GALNT10: variants seen among roughly 807,000 people sequenced by gnomAD.
The protein encoded by GALNT10 is GalNAc transferase 10.
A neutral mutation model predicts 75.0 loss-of-function variants in GALNT10; 41 were observed. The ratio of observed to expected loss-of-function variants is 0.55; its 90% CI spans 0.43 to 0.71. The LOEUF (loss-of-function observed/expected upper bound fraction) is 0.71, where lower values mean the gene tolerates loss of function less well. Ranked by LOEUF, GALNT10 falls within the 30% of genes least tolerant of loss-of-function variation. The pLI, the probability that GALNT10 is intolerant of heterozygous loss-of-function variation, is 0.00. For synonymous variants in GALNT10, 302 were observed against 313.0 expected, an observed-to-expected ratio of 0.96 and a Z score of 0.37; for missense variants, 727 against 818.5, an observed-to-expected ratio of 0.89 and a Z score of 1.36.
At chr5:154,361,470 T>C (rs1389068385) in intron 4 of GALNT10, among the ~76,000 whole-genome samples, 1 of 152,248 alleles carries the variant, frequency 6.6e-6, no homozygotes, top group African/African-American at 2.4e-5. Context: ...GAGTACACTC[T>C]TACTATGTGT....
At chr5:154,194,448 C>T (rs1774904819) in intron 1 of GALNT10, among the ~76,000 whole-genome samples, 1 of 152,170 alleles carries the variant, frequency 6.6e-6, no homozygotes, top group Non-Finnish European at 1.5e-5. Flanking sequence ...TCTGCATGCC[C>T]AGGTGAAATC....
intron 8 of GALNT10, among the ~76,000 whole-genome samples, chr5:154,404,416 T>G (rs1460440074): frequency 6.6e-6 from 1 of 152,232 alleles, no homozygotes; most frequent in African/African-American, 2.4e-5. Context: ...GGAGGGTTGC[T>G]TAAGTCCTCT....
chr5:154,386,315 C>A lies in GALNT10; in HGVS notation c.941C>A (p.Ser314Tyr). ...QKADPSDPFE[S>Y]PVMAGGLFAV... Reference sequence around the variant, plus strand: ...ACCATGTTCTTCTTCTCTGACAGGTCTCCCGTGATGGCCGGTGGACTGTTC... The same window carrying A: ...ACCATGTTCTTCTTCTCTGACAGGTATCCCGTGATGGCCGGTGGACTGTTC... The change falls in exon 7 of 12, where the codon TCT becomes TAT. Residue 314 changes from serine to tyrosine, a missense_variant and splice_region_variant. Transcript: ENST00000297107. 6.2e-7 allele frequency: 1 copy of A among 1,611,768 alleles called. No individual in the cohort carries two copies. Among genetic ancestry groups the A allele is most frequent in the Non-Finnish European group, 8.5e-7 (1 of 1,178,018 alleles).
chr5:154,417,013 T>C lies in GALNT10; in HGVS notation c.*41T>C. On this transcript the variant is annotated 3_prime_UTR_variant, in exon 12 of 12. Coordinates refer to ENST00000297107, the MANE Select transcript of GALNT10 (RefSeq NM_198321.4). The stretch of plus-strand genomic sequence containing the variant: ...TGGCAGGCCCCCCAGGGTCTGGCAC[T>C]CACTGCAGACTTCCTCTTTCAAGGG... 6.3e-7 allele frequency: 1 copy of C among 1,584,186 alleles called. No individual in the cohort carries two copies. The highest frequency in any genetic ancestry group is 8.7e-7 in the Non-Finnish European group (1 of 1,154,086).
At position 154,245,324 on chromosome 5, in the gene GALNT10, C is replaced by G. The variant is rs188582326; in HGVS notation, c.160-49492C>G. ...GAGGGACAGGTGATGTTGAGGCTAG[C>G]AATGACAGCTGTTGTGCATTGAGCA... On this transcript the variant is annotated intron_variant, in intron 1 of 11. Transcript: ENST00000297107. Among the ~76,000 whole-genome samples, 401 of 152,294 alleles carry G rather than the reference C, an allele frequency of 2.6e-3. 3 individuals are homozygous for G. The highest frequency in any genetic ancestry group is 4.0e-3 in the Non-Finnish European group (274 of 68,020).
At chr5:154,214,829 A>G (rs940993407) in intron 1 of GALNT10, among the ~76,000 whole-genome samples, 1 of 152,158 alleles carries the variant, frequency 6.6e-6, no homozygotes, top group African/African-American at 2.4e-5. Context: ...TCAGAGGGAA[A>G]CCTAGAGCTG....
chr5:154,280,495 C>T (rs1473378611), intron 1 of GALNT10, among the ~76,000 whole-genome samples: 1 of 152,116 alleles, frequency 6.6e-6, no homozygotes, highest in East Asian at 1.9e-4. Flanking sequence ...ACATTATATG[C>T]AGGTATCAAA....
rs1401200796 is a variant in GALNT10, at chr5:154,190,746, G to T, written c.-121G>T. ...GGAAGTGCCGCGGAGTTGGAGCGGGGCCGGCGCCGCAGCCGCTTCTGCTGG... is the reference window on the plus strand; with the variant it reads ...GGAAGTGCCGCGGAGTTGGAGCGGGTCCGGCGCCGCAGCCGCTTCTGCTGG... On this transcript the variant is annotated 5_prime_UTR_variant, in exon 1 of 12. Coordinates refer to ENST00000297107, the MANE Select transcript of GALNT10 (RefSeq NM_198321.4). The T allele has an allele frequency of 6.8e-6, 2 of 294,774 alleles. No homozygotes were observed. The highest frequency in any genetic ancestry group is 4.6e-5 in the African/African-American group (2 of 43,926). 18.3% of individuals were successfully genotyped at this position (294,774 alleles called of 1,614,324 possible). A position where few individuals can be genotyped will look rare whatever the true frequency, so the allele number is the denominator to read the frequency against.
intron 4 of GALNT10, among the ~76,000 whole-genome samples, chr5:154,340,647 A>G (rs1374257322): frequency 2.6e-5 from 4 of 152,112 alleles, no homozygotes; most frequent in Non-Finnish European, 5.9e-5. Flanking sequence ...GCCTGACCCA[A>G]CCCACGGGCA....
intron 4 of GALNT10, among the ~76,000 whole-genome samples, chr5:154,371,537 A>AGTGTGTGTGT (rs757305979): frequency 7.1e-5 from 5 of 70,858 alleles, no homozygotes; most frequent in Non-Finnish European, 1.6e-4. Flanking sequence ...GACACACCAC[A>AGTGTGTGTGT]GTGTGTGTGT....
chr5:154,199,773 G>A (rs1414972350), intron 1 of GALNT10, among the ~76,000 whole-genome samples: 3 of 152,168 alleles, frequency 2.0e-5, no homozygotes, highest in Non-Finnish European at 4.4e-5. Context: ...AGAGAGCAGA[G>A]GAGAGAGTGT....
chr5:154,297,960 A>G lies in GALNT10; in HGVS notation c.282A>G (p.Arg94=), dbSNP rs969372324. ...AQRVGNGEQG[R]PYPMTDAERV... is the part of the protein sequence containing the mutation. ...TTCTAGGAAATGGAGAACAAGGAAG[A>G]CCTTACCCCATGACCGATGCTGAGA... Residue 94 remains arginine, a synonymous_variant, in exon 3 of 12, where the codon AGA becomes AGG. Coordinates refer to ENST00000297107, the MANE Select transcript of GALNT10 (RefSeq NM_198321.4). 1.2e-5 allele frequency: 20 copies of G among 1,613,814 alleles called. No individual in the cohort carries two copies. Among genetic ancestry groups the G allele is most frequent in the Non-Finnish European group, 1.7e-5 (20 of 1,179,814 alleles).
chr5:154,261,353 A>T (rs1283919643), intron 1 of GALNT10, among the ~76,000 whole-genome samples: 1 of 152,184 alleles, frequency 6.6e-6, no homozygotes, highest in Non-Finnish European at 1.5e-5. Flanking sequence ...GGCTGTCCAC[A>T]CTGTCCAGCA....
intron 1 of GALNT10, among the ~76,000 whole-genome samples, chr5:154,291,299 AC>A (rs1416849396): frequency 6.6e-6 from 1 of 151,860 alleles, no homozygotes; most frequent in Non-Finnish European, 1.5e-5. Flanking sequence ...GGAATCTTAG[AC>A]TCTTGAAGGG....
intron 4 of GALNT10, among the ~76,000 whole-genome samples, chr5:154,368,174 A>G (rs573096919): frequency 1.3e-5 from 2 of 152,336 alleles, no homozygotes; most frequent in East Asian, 1.9e-4. Context: ...AAATTCCCAA[A>G]TAATGCTGAT....
At chr5:154,297,880 C>T in intron 2 of GALNT10, 61 bp from the exon 3 acceptor site, 2 of 1,409,072 alleles carry the variant, frequency 1.4e-6, no homozygotes, top group African/African-American at 1.5e-5. Context: ...TCCTTTTTCC[C>T]CACTCCATAT....
intron 1 of GALNT10, among the ~76,000 whole-genome samples, chr5:154,266,579 A>G (rs1227749824): frequency 6.6e-6 from 1 of 151,386 alleles, no homozygotes; most frequent in African/African-American, 2.4e-5. Context: ...TCATTAAAAA[A>G]AAAAAAAACA....
intron 1 of GALNT10, among the ~76,000 whole-genome samples, chr5:154,237,846 G>C (rs538142774): frequency 1.6e-4 from 24 of 152,282 alleles, no homozygotes; most frequent in Admixed American, 8.5e-4. Flanking sequence ...CACTGTCGAT[G>C]TTGACCTTGA....
At chr5:154,260,205 G>C (rs111494159) in intron 1 of GALNT10, among the ~76,000 whole-genome samples, 17 of 152,160 alleles carry the variant, frequency 1.1e-4, no homozygotes, top group Non-Finnish European at 5.9e-5. Flanking sequence ...GAGAGAGACA[G>C]TTCTAACCAC....
Sources: gnomAD v4.1 joint callset for allele counts (sites outside exome capture counted in the v4.1 genomes callset) on GRCh38, gnomAD v4.1.1 for gene constraint, MANE v1.5 for transcripts, NCBI Gene and HGNC (gene_info 2026-07-23, HGNC 2026-07-21) for gene names.